Variants in RYR2 observed in about 807,000 individuals in gnomAD.
RYR2 encodes the protein cardiac muscle ryanodine receptor-calcium release channel.
RYR2 carries 227 observed loss-of-function variants against 601.1 expected under a neutral mutation model. That is an observed-to-expected ratio of 0.38 (90% CI 0.34 to 0.42). RYR2 has a LOEUF of 0.42. RYR2 is among the 10% of genes least tolerant of loss of function. The pLI is 1.00. For missense variants in RYR2, 4,646 were observed against 6,156.5 expected, an observed-to-expected ratio of 0.75 and a Z score of 8.21; for synonymous variants, 2,223 against 2,175.1, an observed-to-expected ratio of 1.02 and a Z score of -0.61.
rs894767198 is a variant in RYR2 at position 237,794,026 on chromosome 1, G to A, written c.13913+29G>A. Reference sequence around the variant, plus strand: ...AGTAAATAATTATATGAGACTTTCTGCACTCAAAAATTTCAGACATGAAAA... The same window carrying A: ...AGTAAATAATTATATGAGACTTTCTACACTCAAAAATTTCAGACATGAAAA... On this transcript the variant is annotated intron_variant, in intron 95 of 104. Coordinates refer to ENST00000366574, the MANE Select transcript of RYR2 (RefSeq NM_001035.3). 3.8e-6 allele frequency: 6 copies of A among 1,584,140 alleles called. No individual in the cohort carries two copies. In the Admixed American group the frequency reaches 5.4e-5, roughly 14 times the overall value.
In RYR2 at chr1:237,205,179, G is replaced by A. The variant is rs186906338; in HGVS notation, c.49-65318G>A. The stretch of plus-strand genomic sequence containing the variant: ...GACATGGTTTTCTAGAACACAGGCT[G>A]CACCCTCTCCCCCAAGCCTAGCAAA... On this transcript the variant is annotated intron_variant, in intron 1 of 104. Coordinates refer to ENST00000366574, the MANE Select transcript of RYR2 (RefSeq NM_001035.3). Among the ~76,000 whole-genome samples, 899 of 152,328 alleles carry A rather than the reference G, an allele frequency of 5.9e-3. 7 individuals are homozygous for A. The highest frequency in any genetic ancestry group is 0.021 in the South Asian group (101 of 4,830).
intron 28 of RYR2, 108 bp downstream of exon 28, chr1:237,566,883 G>A (rs539670774): frequency 2.3e-5 from 26 of 1,114,714 alleles, no homozygotes; most frequent in East Asian, 4.8e-5. Flanking sequence ...CAGCACAAAC[G>A]TGGAAAAATA....
In RYR2 at chr1:237,436,454, CTTTTTTTT is replaced by C. The variant is rs551140501; in HGVS notation, c.1006-4848_1006-4841del. Among the ~76,000 whole-genome samples the C allele has an allele frequency of 6.0e-4, 29 of 48,730 alleles. 1 individual carries two copies. Among genetic ancestry groups the C allele is most frequent in the South Asian group, 1.5e-3 (2 of 1,332 alleles). The allele number at this position is 48,730 out of a possible 152,430, so 32.0% of individuals were successfully genotyped here. On this transcript the variant is annotated intron_variant, in intron 12 of 104. Transcript: ENST00000366574. ...AGCCGAGGGATAATGTGTGATTTTC[CTTTTTTTT>C]TTTTTTTTTTTTTTTTGCATTTCTG...
intron 79 of RYR2, among the ~76,000 whole-genome samples, chr1:237,737,117 T>C (rs1408876849): frequency 6.6e-6 from 1 of 152,162 alleles, no homozygotes; most frequent in Non-Finnish European, 1.5e-5. Flanking sequence ...GAATAGGTTG[T>C]TTCTGATTGT....
rs747234013 is a variant in RYR2, at chr1:237,530,505, C to T, written c.2901C>T (p.Pro967=). 1.9e-6 allele frequency: 3 copies of T among 1,597,376 alleles called. No individual in the cohort carries two copies. In the East Asian group the frequency reaches 6.7e-5, roughly 36 times the overall value. The part of the protein sequence containing the change: ...AEDKVKKMKL[P]KNYQLTSGYK... ...ACAAGGTGAAAAAAATGAAGCTACC[C>T]AAGAAGTAAGTTGAATGACTAAGCA... Residue 967 remains proline, a synonymous_variant, in exon 25 of 105, where the codon CCC becomes CCT. Coordinates refer to ENST00000366574, the MANE Select transcript of RYR2 (RefSeq NM_001035.3).
At chr1:237,452,216 A>G (rs1479592557) in intron 14 of RYR2, among the ~76,000 whole-genome samples, 1 of 147,174 alleles carries the variant, frequency 6.8e-6, no homozygotes, top group Non-Finnish European at 1.5e-5. Flanking sequence ...ATTATATGTT[A>G]TAATGGATAT....
chr1:237,674,908 C>T, intron 60 of RYR2, 62 bp downstream of exon 60: 2 of 904,464 alleles, frequency 2.2e-6, no homozygotes, highest in Non-Finnish European at 3.5e-6. Context: ...TTTACAACAT[C>T]AGGATATAGA....
At chr1:237,278,120 G>C (rs987717325) in intron 2 of RYR2, among the ~76,000 whole-genome samples, 66 of 152,018 alleles carry the variant, frequency 4.3e-4, no homozygotes, top group Non-Finnish European at 7.6e-4. Flanking sequence ...GCCCAGGCTA[G>C]AGTGAAGTTG....
chr1:237,384,434 G>A (rs1484464725), intron 8 of RYR2, among the ~76,000 whole-genome samples: 1 of 152,196 alleles, frequency 6.6e-6, no homozygotes, highest in African/African-American at 2.4e-5. Flanking sequence ...CGGCTGTAAT[G>A]TATGTCCCCG....
chr1:237,751,775 A>G (rs1692554642), intron 80 of RYR2, among the ~76,000 whole-genome samples: 1 of 152,212 alleles, frequency 6.6e-6, no homozygotes, highest in South Asian at 2.1e-4. Context: ...TGCTTATCCT[A>G]TCAAGAAGCA....
At chr1:237,169,560 G>A (rs1351421891) in intron 1 of RYR2, among the ~76,000 whole-genome samples, 3 of 151,994 alleles carry the variant, frequency 2.0e-5, no homozygotes, top group Non-Finnish European at 4.4e-5. Flanking sequence ...ACCTCCCAAA[G>A]TGCTGGGATG....
chr1:237,763,615 C>G (rs1693604717), intron 84 of RYR2, among the ~76,000 whole-genome samples: 1 of 152,172 alleles, frequency 6.6e-6, no homozygotes, highest in South Asian at 2.1e-4. Context: ...TTCTGAAAGA[C>G]ATTCTATGCA....
At chr1:237,427,157 G>A (rs149950308) in intron 12 of RYR2, among the ~76,000 whole-genome samples, 51 of 152,228 alleles carry the variant, frequency 3.4e-4, no homozygotes, top group Admixed American at 1.8e-3. Flanking sequence ...TTCATCATGC[G>A]TAATCCAGCC....
intron 1 of RYR2, among the ~76,000 whole-genome samples, chr1:237,257,092 A>C (rs1688066435): frequency 6.6e-6 from 1 of 152,308 alleles, no homozygotes; most frequent in South Asian, 2.1e-4. Context: ...CTATCTAAAG[A>C]TATTTGGGAA....
At chr1:237,585,506 C>G (rs1302788365) in intron 29 of RYR2, among the ~76,000 whole-genome samples, 1 of 152,202 alleles carries the variant, frequency 6.6e-6, no homozygotes, top group Non-Finnish European at 1.5e-5. Flanking sequence ...GGCCCTTTCT[C>G]TGTGTGGCAG....
At chr1:237,047,798 G>A (rs1477480145) in intron 1 of RYR2, among the ~76,000 whole-genome samples, 1 of 152,094 alleles carries the variant, frequency 6.6e-6, no homozygotes, top group Non-Finnish European at 1.5e-5. Flanking sequence ...TTTACTCCAA[G>A]TGTGTGGTTA....
chr1:237,700,538 A>C (rs1325284926), intron 65 of RYR2, 71 bp downstream of exon 65: 1 of 739,818 alleles, frequency 1.4e-6, no homozygotes, highest in Non-Finnish European at 2.3e-6. Flanking sequence ...CAAAAACAGT[A>C]ATAGCCACAT....
chr1:237,310,219 T>G (rs191575249), intron 2 of RYR2, among the ~76,000 whole-genome samples: 1 of 152,298 alleles, frequency 6.6e-6, no homozygotes, highest in African/African-American at 2.4e-5. Context: ...TTTAGGAGAA[T>G]GGATGACTAC....
intron 2 of RYR2, among the ~76,000 whole-genome samples, chr1:237,298,189 A>G (rs908476681): frequency 6.6e-6 from 1 of 152,066 alleles, no homozygotes; most frequent in Non-Finnish European, 1.5e-5. Context: ...TCACTCAACC[A>G]TGGGTGCACA....
Sources: allele counts gnomAD v4.1 joint callset (sites outside exome capture counted in the v4.1 genomes callset), GRCh38; gene constraint gnomAD v4.1.1; transcripts MANE v1.5; gene names NCBI Gene and HGNC (gene_info 2026-07-23, HGNC 2026-07-21).